The following ARHGAP28 variants were observed in gnomAD, a reference collection of about 807,000 sequenced individuals.
ARHGAP28 encodes rho GTPase-activating protein 28.
ARHGAP28 carries 56 observed loss-of-function variants against 90.7 expected under a neutral mutation model. The observed-to-expected ratio is 0.62, with a 90% CI of 0.50 to 0.77. The LOEUF is 0.77. ARHGAP28 is among the 30% of genes least tolerant of loss of function. The pLI is 0.00. For missense variants in ARHGAP28, 869 were observed against 900.9 expected, an observed-to-expected ratio of 0.96 and a Z score of 0.45; for synonymous variants, 308 against 323.3, an observed-to-expected ratio of 0.95 and a Z score of 0.51.
intron 16 of ARHGAP28, chr18:6,898,439 A>G: frequency 2.6e-6 from 4 of 1,541,316 alleles, no homozygotes; most frequent in Non-Finnish European, 3.6e-6. Flanking sequence ...CTCCAAGAAT[A>G]CTGCACTGGC....
intron 1 of ARHGAP28, among the ~76,000 whole-genome samples, chr18:6,803,375 G>A (rs6506442): frequency 0.039 from 5,934 of 152,106 alleles, 386 homozygotes; most frequent in African/African-American, 0.14. Flanking sequence ...TTAATATGAT[G>A]AATTCCATTG....
chr18:6,833,196 A>G (rs1014988944), intron 2 of ARHGAP28, among the ~76,000 whole-genome samples: 3 of 152,060 alleles, frequency 2.0e-5, no homozygotes, highest in Non-Finnish European at 4.4e-5. Context: ...CTGATGCTCT[A>G]TCACTCCCAA....
rs140495091 is a variant in ARHGAP28, at chr18:6,870,858, T to C, written c.954+126T>C. 9.2e-3 allele frequency: 9,282 copies of C among 1,004,228 alleles called. 71 individuals are homozygous for C. The highest frequency in any genetic ancestry group is 0.02 in the South Asian group (1,162 of 58,802). 62.2% of individuals were successfully genotyped at this position (1,004,228 alleles called of 1,614,324 possible). A position where few individuals can be genotyped will look rare whatever the true frequency, so the allele number is the denominator to read the frequency against. ...TCTATTGCCCCAGGCTGGAGTGCAGTGGCGCGATCTCGGCTCACTGCAAGC... is the reference window on the plus strand; with the variant it reads ...TCTATTGCCCCAGGCTGGAGTGCAGCGGCGCGATCTCGGCTCACTGCAAGC... On this transcript the variant is annotated intron_variant, in intron 7 of 17. Transcript: ENST00000383472.
At chr18:6,905,391 G>C (rs1186815751) in intron 16 of ARHGAP28, among the ~76,000 whole-genome samples, 1 of 151,782 alleles carries the variant, frequency 6.6e-6, no homozygotes, top group East Asian at 1.9e-4. Flanking sequence ...CAGAAAACTA[G>C]GAAAAGAGGA....
rs912610570 is a variant in ARHGAP28 at position 6,850,625 on chromosome 18, A to G, written c.544-409A>G. On this transcript the variant is annotated intron_variant, in intron 3 of 17. Transcript: ENST00000383472. ...AGACGCTGACTTCATCCACTTTCAC[A>G]AGAAAACATTAGCTTTCCCAGACAC... 6.2e-4 allele frequency among the ~76,000 whole-genome samples: 95 copies of G among 152,318 alleles called. 2 individuals are homozygous for G. Among genetic ancestry groups the G allele is most frequent in the Admixed American group, 6.2e-3 (95 of 15,300 alleles).
rs28594405 is a variant in ARHGAP28, at chr18:6,870,863, C to G, written c.954+131C>G. The G allele has an allele frequency of 2.0e-4, 185 of 927,982 alleles. 3 individuals are homozygous for G. Among genetic ancestry groups the G allele is most frequent in the South Asian group, 1.1e-3 (61 of 55,868 alleles). The allele number at this position is 927,982 out of a possible 1,614,324, so 57.5% of individuals were successfully genotyped here. On this transcript the variant is annotated intron_variant, in intron 7 of 17. Transcript: ENST00000383472. ...TGCCCCAGGCTGGAGTGCAGTGGCG[C>G]GATCTCGGCTCACTGCAAGCTCTGC... is the stretch of plus-strand genomic sequence containing the variant.
At chr18:6,784,824 T>C (rs902539905) in intron 1 of ARHGAP28, among the ~76,000 whole-genome samples, 1 of 152,214 alleles carries the variant, frequency 6.6e-6, no homozygotes, top group African/African-American at 2.4e-5. Context: ...CGTGAAAATA[T>C]TGAGTAAAGA....
intron 1 of ARHGAP28, among the ~76,000 whole-genome samples, chr18:6,768,056 T>C (rs2056213452): frequency 6.6e-6 from 1 of 152,204 alleles, no homozygotes; most frequent in Non-Finnish European, 1.5e-5. Flanking sequence ...TCCAAATTTA[T>C]TGGTCTCTTG....
At chr18:6,839,093 A>G (rs2056776670) in intron 3 of ARHGAP28, among the ~76,000 whole-genome samples, 1 of 151,334 alleles carries the variant, frequency 6.6e-6, no homozygotes, top group African/African-American at 2.5e-5. Flanking sequence ...CTGCAGCAGT[A>G]CCAAGGGATG....
intron 14 of ARHGAP28, among the ~76,000 whole-genome samples, chr18:6,891,157 A>C (rs1343389696): frequency 6.6e-6 from 1 of 152,206 alleles, no homozygotes; most frequent in Non-Finnish European, 1.5e-5. Flanking sequence ...CCCTCAAAGG[A>C]ACTTACACCT....
chr18:6,792,718 G>C lies in ARHGAP28; in HGVS notation c.123-32044G>C, dbSNP rs145559910. Among the ~76,000 whole-genome samples, 328 of 152,322 alleles carry C rather than the reference G, an allele frequency of 2.2e-3. 1 individual carries two copies. The highest frequency in any genetic ancestry group is 7.7e-3 in the African/African-American group (320 of 41,570). ...AAAATAACATAATGGCGCAGTAATC[G>C]TGACCTCTGTGGAACTCTGTAGTTC... On this transcript the variant is annotated intron_variant, in intron 1 of 17. Transcript: ENST00000383472.
intron 1 of ARHGAP28, among the ~76,000 whole-genome samples, chr18:6,796,189 C>T (rs182483946): frequency 2.0e-5 from 3 of 152,286 alleles, no homozygotes; most frequent in East Asian, 1.9e-4. Context: ...AGTGAGCACT[C>T]GCTGAAAAGA....
At chr18:6,895,122 A>G (rs1009888561) in intron 15 of ARHGAP28, among the ~76,000 whole-genome samples, 5 of 152,180 alleles carry the variant, frequency 3.3e-5, no homozygotes, top group African/African-American at 1.2e-4. Flanking sequence ...GAGGAATAAG[A>G]TTATTGCAGT....
At chr18:6,763,779 A>C (rs2056180005) in intron 1 of ARHGAP28, among the ~76,000 whole-genome samples, 1 of 152,150 alleles carries the variant, frequency 6.6e-6, no homozygotes, top group Admixed American at 6.5e-5. Flanking sequence ...GGGGAAGGAG[A>C]ACAGCAATGC....
At chr18:6,857,436 A>T (rs2056962386) in intron 4 of ARHGAP28, among the ~76,000 whole-genome samples, 1 of 152,226 alleles carries the variant, frequency 6.6e-6, no homozygotes, top group Admixed American at 6.5e-5. Flanking sequence ...TCGCGTGTGG[A>T]GAACGCGTTA....
At chr18:6,827,355 T>C (rs1203057382) in intron 2 of ARHGAP28, among the ~76,000 whole-genome samples, 13 of 137,686 alleles carry the variant, frequency 9.4e-5, no homozygotes, top group Non-Finnish European at 1.7e-4. Context: ...GGCGGCTGGC[T>C]GGGCGGAGGG....
intron 1 of ARHGAP28, chr18:6,790,641 C>T (rs966535914): frequency 2.0e-5 from 3 of 152,120 alleles, no homozygotes; most frequent in Admixed American, 1.3e-4. Flanking sequence ...GGGGAGTCTA[C>T]CTACCTAGAT....
chr18:6,736,313 T>C (rs2055926653), intron 1 of ARHGAP28, among the ~76,000 whole-genome samples: 1 of 152,158 alleles, frequency 6.6e-6, no homozygotes, highest in African/African-American at 2.4e-5. Flanking sequence ...CTTTTTTTTT[T>C]TCAGTTTTGA....
chr18:6,752,558 C>A (rs1431863694), intron 1 of ARHGAP28, among the ~76,000 whole-genome samples: 1 of 152,180 alleles, frequency 6.6e-6, no homozygotes, highest in Non-Finnish European at 1.5e-5. Flanking sequence ...TCAGTGCAAA[C>A]CTCATGGAGA....
Sources: allele counts gnomAD v4.1 joint callset (sites outside exome capture counted in the v4.1 genomes callset), GRCh38; gene constraint gnomAD v4.1.1; transcripts MANE v1.5; gene names NCBI Gene and HGNC (gene_info 2026-07-23, HGNC 2026-07-21).